Variants in ATP9A observed in about 807,000 individuals in gnomAD.
ATP9A encodes probable phospholipid-transporting ATPase IIA.
Under a neutral mutation model 144.1 loss-of-function variants are expected in ATP9A, and 52 were observed. The ratio of observed to expected loss-of-function variants is 0.36; its 90% CI spans 0.29 to 0.45. The LOEUF (loss-of-function observed/expected upper bound fraction) is 0.45. Ranked by LOEUF, ATP9A falls within the 20% of genes least tolerant of loss-of-function variation. The pLI, the probability that ATP9A is intolerant of heterozygous loss-of-function variation, is 1.00. For missense variants in ATP9A, 947 were observed against 1,392.7 expected (o/e 0.68, Z 5.09); for synonymous variants, 582 against 557.4 (o/e 1.04, Z -0.62).
chr20:51,658,498 G>A (rs927668186), intron 13 of ATP9A, among the ~76,000 whole-genome samples: 4 of 150,496 alleles, frequency 2.7e-5, no homozygotes, highest in South Asian at 2.1e-4. Flanking sequence ...GTCACACATC[G>A]GGTGCCACCT....
chr20:51,702,211 A>C (rs1311312060), intron 4 of ATP9A, among the ~76,000 whole-genome samples: 1 of 151,554 alleles, frequency 6.6e-6, no homozygotes, highest in African/African-American at 2.4e-5. Context: ...AGGCAGGAGA[A>C]TCGCTTGAAC....
Position 51,669,662 on chromosome 20 carries a change from C to T in ATP9A, c.1293+335G>A, listed in dbSNP as rs141059471. 2.3e-3 allele frequency among the ~76,000 whole-genome samples: 344 copies of T among 152,238 alleles called. 2 individuals carry two copies. Among genetic ancestry groups the T allele is most frequent in the African/African-American group, 8.0e-3 (333 of 41,522 alleles). ...CTCACAGGTTTTTCCTAATGTCCAT[C>T]AGCACTTCAGCAGAGCAGATTAGCC... is the stretch of plus-strand genomic sequence containing the variant. On this transcript the variant is annotated intron_variant, in intron 13 of 27. Transcript: ENST00000338821.
chr20:51,754,947 TAAA>T (rs555019652), intron 1 of ATP9A, among the ~76,000 whole-genome samples: 1 of 138,220 alleles, frequency 7.2e-6, no homozygotes. Flanking sequence ...CCATCCCTAC[TAAA>T]AAAAAAAAAA....
intron 3 of ATP9A, among the ~76,000 whole-genome samples, chr20:51,714,275 C>T (rs6096539): frequency 0.67 from 101,381 of 151,938 alleles, 34,128 homozygotes; most frequent in African/African-American, 0.76. Flanking sequence ...CTCCACCTCC[C>T]GGGCTCAAGA....
rs6021315 is a variant in ATP9A, at chr20:51,611,043, C to T, written c.2572-878G>A. 8.0e-3 allele frequency among the ~76,000 whole-genome samples: 1,225 copies of T among 152,238 alleles called. 21 individuals are homozygous for T. The highest frequency in any genetic ancestry group is 0.028 in the African/African-American group (1,148 of 41,548). Reference sequence around the variant, plus strand: ...CCTCTATGGGCTAACAGAGGAAACACGGTCTCCAAGCTGATATCCATTCAT... The same window carrying T: ...CCTCTATGGGCTAACAGAGGAAACATGGTCTCCAAGCTGATATCCATTCAT... On this transcript the variant is annotated intron_variant, in intron 23 of 27. Coordinates refer to ENST00000338821, the MANE Select transcript of ATP9A (RefSeq NM_006045.3). This position sits in a 1 kb window ranked among gnomAD's most constrained non-coding sequence, Gnocchi z 4.2.
At chr20:51,744,494 A>AT (rs1180972875) in intron 1 of ATP9A, among the ~76,000 whole-genome samples, 1 of 152,146 alleles carries the variant, frequency 6.6e-6, no homozygotes, top group African/African-American at 2.4e-5. Context: ...ACCAAAATTG[A>AT]TTTTCTTAGG....
intron 2 of ATP9A, among the ~76,000 whole-genome samples, chr20:51,726,685 C>T (rs112481256): frequency 6.6e-6 from 1 of 151,962 alleles, no homozygotes; most frequent in Non-Finnish European, 1.5e-5. Context: ...CTCAGGCGAT[C>T]CTCCTGTCAC....
chr20:51,696,027 G>T, intron 6 of ATP9A, 66 bp downstream of exon 6: 1 of 1,414,166 alleles, frequency 7.1e-7, no homozygotes, highest in South Asian at 1.2e-5. Context: ...ATTTTCAAAT[G>T]ATTATTTTGC....
intron 1 of ATP9A, among the ~76,000 whole-genome samples, chr20:51,755,175 C>T (rs759564952): frequency 7.3e-5 from 11 of 151,462 alleles, no homozygotes; most frequent in Non-Finnish European, 1.3e-4. Context: ...TGATGGCTCA[C>T]GCCTGTAATC....
At chr20:51,649,426 G>T (rs960164998) in intron 14 of ATP9A, among the ~76,000 whole-genome samples, 2 of 152,124 alleles carry the variant, frequency 1.3e-5, no homozygotes, top group African/African-American at 4.8e-5. Flanking sequence ...CAATCATTGT[G>T]ACTCTATCAT....
chr20:51,686,000 A>C lies in ATP9A; in HGVS notation c.799+3064T>G, dbSNP rs528414995. On this transcript the variant is annotated intron_variant, in intron 9 of 27. Transcript: ENST00000338821. ...ATCAATGATAGACTGGATTAAGAAA[A>C]CGAATAGAATACTATGCATAGAATT... Among the ~76,000 whole-genome samples, 3 of 152,340 alleles carry C rather than the reference A, an allele frequency of 2.0e-5. No individual in the cohort carries two copies. In the East Asian group the frequency reaches 5.8e-4, roughly 29 times the overall value.
chr20:51,665,233 TG>T (rs1388832996), intron 13 of ATP9A, among the ~76,000 whole-genome samples: 1 of 141,494 alleles, frequency 7.1e-6, no homozygotes, highest in Non-Finnish European at 1.5e-5. Flanking sequence ...GACTGACAGC[TG>T]GGGGGATAGA....
chr20:51,737,538 G>C (rs1053169050), intron 1 of ATP9A, among the ~76,000 whole-genome samples: 1 of 152,124 alleles, frequency 6.6e-6, no homozygotes, highest in Non-Finnish European at 1.5e-5. Flanking sequence ...CGTAACCCCA[G>C]TTGGACTAAG....
chr20:51,720,942 T>A (rs1350445487), intron 3 of ATP9A, among the ~76,000 whole-genome samples: 1 of 152,172 alleles, frequency 6.6e-6, no homozygotes, highest in African/African-American at 2.4e-5. Context: ...CAGGCAGGAA[T>A]GTCTGTTATC....
intron 18 of ATP9A, among the ~76,000 whole-genome samples, chr20:51,623,787 C>CAAAAA (rs746253035): frequency 1.4e-5 from 1 of 72,118 alleles, no homozygotes; most frequent in African/African-American, 5.0e-5. Context: ...AACTCTGTCT[C>CAAAAA]AAAAAAAAAA....
chr20:51,657,798 G>A (rs1216184877), intron 13 of ATP9A, among the ~76,000 whole-genome samples: 1 of 152,234 alleles, frequency 6.6e-6, no homozygotes, highest in Non-Finnish European at 1.5e-5. Context: ...GGAACAGCCA[G>A]AGGAAACCTT....
At chr20:51,666,018 CG>C (rs1267829680) in intron 13 of ATP9A, among the ~76,000 whole-genome samples, 1 of 152,170 alleles carries the variant, frequency 6.6e-6, no homozygotes, top group African/African-American at 2.4e-5. Context: ...CAGCCCCTTC[CG>C]CAGGACACCT....
chr20:51,696,401 T>C (rs1259907077), intron 5 of ATP9A, among the ~76,000 whole-genome samples: 1 of 152,230 alleles, frequency 6.6e-6, no homozygotes, highest in East Asian at 1.9e-4. Context: ...AGAGAGCTTC[T>C]AGTTTTCTGG....
chr20:51,602,747 T>C lies in ATP9A; in HGVS notation c.3008-1400A>G, dbSNP rs542740815. On this transcript the variant is annotated intron_variant, in intron 27 of 27. Transcript: ENST00000338821. ...GATCAAAGATGCTTCCAGGGTAAGG[T>C]CGAGTTTCTCTGCCTTTTTGTTGTT... 1.6e-4 allele frequency among the ~76,000 whole-genome samples: 24 copies of C among 152,296 alleles called. No individual in the cohort carries two copies. The South Asian group carries it at 5.0e-3, about 32-fold the overall frequency.
Sources: gnomAD v4.1 joint callset for allele counts (sites outside exome capture counted in the v4.1 genomes callset) on GRCh38, gnomAD v4.1.1 for gene constraint, Gnocchi (gnomAD v3.1) non-coding constraint, MANE v1.5 for transcripts, NCBI Gene and HGNC (gene_info 2026-07-23, HGNC 2026-07-21) for gene names.